Variants in CGNL1 observed in about 807,000 individuals in gnomAD.
CGNL1 encodes cingulin-like protein 1.
In CGNL1, 132 loss-of-function variants were observed where a neutral mutation model predicts 141.2. The observed-to-expected ratio is 0.93, with a 90% CI of 0.81 to 1.08. The LOEUF is 1.08. CGNL1 is among the 50% of genes least tolerant of loss of function. The pLI is 0.00. For synonymous variants in CGNL1, 690 were observed against 622.1 expected (o/e 1.11, Z -1.63); for missense variants, 1,870 against 1,588.6 (o/e 1.18, Z -3.01).
chr15:57,459,059 A>G (rs2063414697), intron 7 of CGNL1, among the ~76,000 whole-genome samples: 1 of 152,162 alleles, frequency 6.6e-6, no homozygotes, highest in Non-Finnish European at 1.5e-5. Flanking sequence ...TTCTTCCCTC[A>G]TCAGAGACAC....
At chr15:57,408,357 T>G (rs2062746461) in intron 1 of CGNL1, among the ~76,000 whole-genome samples, 1 of 152,056 alleles carries the variant, frequency 6.6e-6, no homozygotes, top group South Asian at 2.1e-4. Flanking sequence ...CATCCTTATC[T>G]TGAATGCCTC....
intron 8 of CGNL1, among the ~76,000 whole-genome samples, chr15:57,489,967 G>A (rs930553717): frequency 1.3e-5 from 2 of 152,198 alleles, no homozygotes; most frequent in East Asian, 1.9e-4. Flanking sequence ...TTCTCTGGAT[G>A]TCTGGAGGTT....
intron 7 of CGNL1, among the ~76,000 whole-genome samples, chr15:57,454,397 C>T (rs1304462071): frequency 1.3e-5 from 2 of 152,188 alleles, no homozygotes; most frequent in African/African-American, 4.8e-5. Flanking sequence ...TTTTCTCTCT[C>T]CCTTACTTGG....
At chr15:57,408,448 G>A (rs2152266133) in intron 1 of CGNL1, among the ~76,000 whole-genome samples, 1 of 152,250 alleles carries the variant, frequency 6.6e-6, no homozygotes, top group Non-Finnish European at 1.5e-5. Flanking sequence ...TCAAGAATGT[G>A]ACTTTTAAGC....
At chr15:57,522,420 C>A (rs1347557219) in intron 10 of CGNL1, among the ~76,000 whole-genome samples, 1 of 152,230 alleles carries the variant, frequency 6.6e-6, no homozygotes, top group Admixed American at 6.5e-5. Context: ...AGCTTGTAAA[C>A]TGTTAAGCAC....
intron 14 of CGNL1, among the ~76,000 whole-genome samples, chr15:57,539,137 G>A (rs1471966752): frequency 2.6e-5 from 4 of 152,058 alleles, no homozygotes; most frequent in Admixed American, 1.3e-4. Flanking sequence ...TCTGCTGGCC[G>A]TTTATTGTCT....
rs143439053 is a variant in CGNL1, at chr15:57,489,449, G to T, written c.2404-27331G>T. Among the ~76,000 whole-genome samples, 13 of 152,176 alleles carry T rather than the reference G, an allele frequency of 8.5e-5. No individual in the cohort carries two copies. In the East Asian group the frequency reaches 2.5e-3, roughly 29 times the overall value. On this transcript the variant is annotated intron_variant, in intron 8 of 18. Transcript: ENST00000281282. ...GGTAGGGGTAAAGAAATAGAAAATG[G>T]ACCAAAACTTTATATAGATAATATT...
At chr15:57,524,111 A>C (rs1338547256) in intron 11 of CGNL1, among the ~76,000 whole-genome samples, 1 of 152,182 alleles carries the variant, frequency 6.6e-6, no homozygotes, top group African/African-American at 2.4e-5. Context: ...AGTTGACACG[A>C]GTGTCTGCTG....
intron 8 of CGNL1, among the ~76,000 whole-genome samples, chr15:57,504,224 T>C (rs1435791906): frequency 3.3e-5 from 5 of 152,204 alleles, no homozygotes; most frequent in Non-Finnish European, 5.9e-5. Flanking sequence ...TTACATTTCA[T>C]CCTCACCACC....
rs114491181 is a variant in CGNL1, at chr15:57,515,239, C to T, written c.2404-1541C>T. 7.3e-3 allele frequency among the ~76,000 whole-genome samples: 1,111 copies of T among 152,326 alleles called. 15 individuals are homozygous for T. Among genetic ancestry groups the T allele is most frequent in the African/African-American group, 0.025 (1,027 of 41,566 alleles). On this transcript the variant is annotated intron_variant, in intron 8 of 18. Coordinates refer to ENST00000281282, the MANE Select transcript of CGNL1 (RefSeq NM_032866.5). ...TGACACCTTAGTTTTCTCCTAGCAACGCCAGCTAACTTCATTCTAACTCAG... is the reference window on the plus strand; with the variant it reads ...TGACACCTTAGTTTTCTCCTAGCAATGCCAGCTAACTTCATTCTAACTCAG...
intron 8 of CGNL1, among the ~76,000 whole-genome samples, chr15:57,497,711 G>A (rs1420141234): frequency 1.3e-5 from 2 of 152,242 alleles, no homozygotes; most frequent in African/African-American, 4.8e-5. Flanking sequence ...AGGCCCTGCG[G>A]AATCTGGAAA....
At chr15:57,545,484 A>T in intron 16 of CGNL1, 108 bp from the exon 17 acceptor site, 1 of 898,314 alleles carries the variant, frequency 1.1e-6, no homozygotes, top group Non-Finnish European at 1.7e-6. Flanking sequence ...CTAAGCCTTG[A>T]GCTGACCAGG....
rs182803308 is a variant in CGNL1 at position 57,381,325 on chromosome 15, C to T, written c.-16+4758C>T. On this transcript the variant is annotated intron_variant, in intron 1 of 18. Coordinates refer to ENST00000281282, the MANE Select transcript of CGNL1 (RefSeq NM_032866.5). Reference sequence around the variant, plus strand: ...CTGTAATCCCAGCACTTTGGGAGGCCGAGGCAGGTGGATCCCTTGAGCCCA... The same window carrying T: ...CTGTAATCCCAGCACTTTGGGAGGCTGAGGCAGGTGGATCCCTTGAGCCCA... Among the ~76,000 whole-genome samples, 33 of 151,986 alleles carry T rather than the reference C, an allele frequency of 2.2e-4. No individual in the cohort carries two copies. In the East Asian group the frequency reaches 5.6e-3, roughly 26 times the overall value.
intron 7 of CGNL1, among the ~76,000 whole-genome samples, chr15:57,459,189 A>G (rs1335082943): frequency 3.3e-5 from 5 of 152,184 alleles, no homozygotes; most frequent in African/African-American, 4.8e-5. Flanking sequence ...AGAAGCCACA[A>G]GTGAAATAAC....
Position 57,438,482 on chromosome 15 carries a change from G to A in CGNL1, c.483G>A (p.Glu161=). 13 of 1,614,174 alleles carry A rather than the reference G, an allele frequency of 8.1e-6. No individual in the cohort carries two copies. Among genetic ancestry groups the A allele is most frequent in the Non-Finnish European group, 1.1e-5 (13 of 1,180,040 alleles). ...LLQPYDPEKN[E]LNLQNHQPSE... is the part of the protein sequence containing the mutation. ...AACCCTATGACCCTGAAAAGAATGAGTTGAATTTACAAAATCACCAGCCTT... is the reference window on the plus strand; with the variant it reads ...AACCCTATGACCCTGAAAAGAATGAATTGAATTTACAAAATCACCAGCCTT... The change falls in exon 2 of 19, where the codon GAG becomes GAA. Residue 161 remains glutamate, a synonymous_variant. Coordinates refer to ENST00000281282, the MANE Select transcript of CGNL1 (RefSeq NM_032866.5).
intron 8 of CGNL1, 38 bp from the exon 9 acceptor site, chr15:57,516,742 A>G (rs750770193): frequency 6.3e-7 from 1 of 1,598,628 alleles, no homozygotes; most frequent in South Asian, 1.1e-5. Context: ...GCTCCTTGAC[A>G]TCAGTCTCCT....
chr15:57,499,438 A>G (rs953930670), intron 8 of CGNL1, among the ~76,000 whole-genome samples: 9 of 151,916 alleles, frequency 5.9e-5, no homozygotes, highest in Non-Finnish European at 4.4e-5. Context: ...GGGTTTCACC[A>G]TATTGGCCAA....
chr15:57,478,780 A>G (rs2152356831), intron 8 of CGNL1, among the ~76,000 whole-genome samples: 1 of 152,250 alleles, frequency 6.6e-6, no homozygotes, highest in Non-Finnish European at 1.5e-5. Flanking sequence ...CTGGGACTAC[A>G]AGTGAGTGTC....
chr15:57,535,718 A>G (rs1032629337), intron 14 of CGNL1, among the ~76,000 whole-genome samples: 1 of 152,212 alleles, frequency 6.6e-6, no homozygotes, highest in Non-Finnish European at 1.5e-5. Context: ...GTGGGCAGCC[A>G]TCGAAGGCGA....
Sources: allele counts gnomAD v4.1 joint callset (sites outside exome capture counted in the v4.1 genomes callset), GRCh38; gene constraint gnomAD v4.1.1; transcripts MANE v1.5; gene names NCBI Gene and HGNC (gene_info 2026-07-23, HGNC 2026-07-21).